SFMBT2: variants seen among roughly 807,000 people sequenced by gnomAD.
SFMBT2 encodes the protein Scm like with four mbt domains 2, also known as scm-like with four MBT domains protein 2.
In SFMBT2, 38 loss-of-function variants were observed where a neutral mutation model predicts 110.1. That is an observed-to-expected ratio of 0.35 (90% confidence interval 0.27 to 0.45). SFMBT2 has a LOEUF of 0.45. SFMBT2 is among the 20% of genes least tolerant of loss of function. The probability of loss-of-function intolerance (pLI) is 1.00; values close to 1 mark genes in which losing one functional copy is unlikely to be tolerated. For synonymous variants in SFMBT2, 425 were observed against 425.4 expected (o/e 1.00, Z 0.01); for missense variants, 1,011 against 1,094.9 (o/e 0.92, Z 1.08).
intron 2 of SFMBT2, among the ~76,000 whole-genome samples, chr10:7,375,156 T>C (rs1406554133): frequency 6.6e-6 from 1 of 152,160 alleles, no homozygotes; most frequent in Admixed American, 6.5e-5. Context: ...AGCGATCCAG[T>C]TTTAGAAAAC....
At chr10:7,400,342 AC>A (rs1846040182) in intron 1 of SFMBT2, among the ~76,000 whole-genome samples, 1 of 152,174 alleles carries the variant, frequency 6.6e-6, no homozygotes, top group Non-Finnish European at 1.5e-5. Context: ...CCCAAGCTTC[AC>A]CGTAAACACT....
At chr10:7,268,500 G>A (rs1421653308) in intron 7 of SFMBT2, among the ~76,000 whole-genome samples, 1 of 151,900 alleles carries the variant, frequency 6.6e-6, no homozygotes, top group Non-Finnish European at 1.5e-5. Flanking sequence ...CTATGTCAAA[G>A]AAAGGTTTTA....
chr10:7,204,992 T>A (rs1017668735), intron 12 of SFMBT2: 71 of 921,226 alleles, frequency 7.7e-5, no homozygotes, highest in Non-Finnish European at 9.1e-5. Flanking sequence ...TTGGTATTTC[T>A]GTAACCAAAG....
At chr10:7,224,183 C>A (rs998641035) in intron 10 of SFMBT2, among the ~76,000 whole-genome samples, 3 of 152,122 alleles carry the variant, frequency 2.0e-5, no homozygotes, top group Non-Finnish European at 4.4e-5. Flanking sequence ...ACGTTATATT[C>A]CTACCAAAAG....
At chr10:7,277,032 G>A (rs375166732) in intron 6 of SFMBT2, 43 bp from the exon 7 acceptor site, 25 of 831,024 alleles carry the variant, frequency 3.0e-5, no homozygotes, top group Middle Eastern at 4.4e-4. Flanking sequence ...GGACTAACAC[G>A]TTCTGCCGGG....
intron 11 of SFMBT2, chr10:7,207,693 C>A (rs1276964493): frequency 1.3e-6 from 1 of 794,796 alleles, no homozygotes; most frequent in Non-Finnish European, 1.5e-6. Flanking sequence ...CAACCAAACA[C>A]AAAATGGTCC....
At chr10:7,206,140 G>T in intron 11 of SFMBT2, 1 of 985,380 alleles carries the variant, frequency 1.0e-6, no homozygotes, top group Non-Finnish European at 1.2e-6. Context: ...ATATAAAAAG[G>T]CAGGAATAAA....
chr10:7,183,831 A>T (rs1297867077), intron 16 of SFMBT2, among the ~76,000 whole-genome samples: 1 of 152,190 alleles, frequency 6.6e-6, no homozygotes, highest in Admixed American at 6.5e-5. Context: ...CTTTGCTCCC[A>T]GCTCCCTTTC....
intron 9 of SFMBT2, among the ~76,000 whole-genome samples, chr10:7,237,568 T>A (rs1478817168): frequency 6.6e-6 from 1 of 152,030 alleles, no homozygotes; most frequent in African/African-American, 2.4e-5. Context: ...TTGCGGAGGA[T>A]GAGGGGTGAA....
At chr10:7,214,817 C>G (rs953959704) in intron 11 of SFMBT2, 2 of 930,210 alleles carry the variant, frequency 2.2e-6, no homozygotes, top group African/African-American at 3.6e-5. Flanking sequence ...CACAAAAACA[C>G]TAACTGCAGA....
At chr10:7,395,452 G>A (rs1027116898) in intron 1 of SFMBT2, among the ~76,000 whole-genome samples, 1 of 152,252 alleles carries the variant, frequency 6.6e-6, no homozygotes, top group African/African-American at 2.4e-5. Context: ...CCCTAGTGGT[G>A]AGTGACTTCT....
chr10:7,209,677 T>C (rs955077215), intron 11 of SFMBT2, among the ~76,000 whole-genome samples: 1 of 152,198 alleles, frequency 6.6e-6, no homozygotes, highest in Admixed American at 6.5e-5. Context: ...AAATAACATA[T>C]ATTCATATGT....
Position 7,299,023 on chromosome 10 carries a change from C to A in SFMBT2, c.437-13069G>T, listed in dbSNP as rs145665050. On this transcript the variant is annotated intron_variant, in intron 4 of 20. Transcript: ENST00000397167. ...TTCAAGAATTCGAAAGCAGCCTGGCCAACATGGCGAAACCCCATCTCTACT... is the reference window on the plus strand; with the variant it reads ...TTCAAGAATTCGAAAGCAGCCTGGCAAACATGGCGAAACCCCATCTCTACT... Among the ~76,000 whole-genome samples, 903 of 152,252 alleles carry A rather than the reference C, an allele frequency of 5.9e-3. 6 individuals are homozygous for A. The highest frequency in any genetic ancestry group is 0.02 in the African/African-American group (825 of 41,542).
At chr10:7,221,691 T>C (rs1232153907) in intron 10 of SFMBT2, among the ~76,000 whole-genome samples, 1 of 152,252 alleles carries the variant, frequency 6.6e-6, no homozygotes, top group Non-Finnish European at 1.5e-5. Flanking sequence ...GCTATTATTT[T>C]CCTTTGTTCT....
At chr10:7,400,150 G>A (rs942162292) in intron 1 of SFMBT2, among the ~76,000 whole-genome samples, 4 of 152,176 alleles carry the variant, frequency 2.6e-5, no homozygotes, top group Non-Finnish European at 5.9e-5. Context: ...CAGTTGACAC[G>A]TGGCCCTGAG....
rs117827158 is a variant in SFMBT2, at chr10:7,296,232, T to A, written c.437-10278A>T. On this transcript the variant is annotated intron_variant, in intron 4 of 20. Coordinates refer to ENST00000397167, the MANE Select transcript of SFMBT2 (RefSeq NM_001387889.1). ...TCACTTTCACAGATGTTACTGCTCC[T>A]GCTTTAAACATTTTCCTGCTTTTAA... Among the ~76,000 whole-genome samples the A allele has an allele frequency of 5.8e-4, 89 of 152,342 alleles. 2 individuals are homozygous for A. In the East Asian group the frequency reaches 0.017, roughly 28 times the overall value.
At chr10:7,333,734 C>T (rs909465901) in intron 4 of SFMBT2, among the ~76,000 whole-genome samples, 1 of 151,540 alleles carries the variant, frequency 6.6e-6, no homozygotes, top group African/African-American at 2.4e-5. Context: ...CTCTCTCTCT[C>T]TCCCCAACAC....
At chr10:7,193,552 T>C (rs1376920372) in intron 15 of SFMBT2, among the ~76,000 whole-genome samples, 2 of 151,610 alleles carry the variant, frequency 1.3e-5, no homozygotes, top group African/African-American at 4.8e-5. Context: ...CCAGGAGCGC[T>C]TGGCTGGTCT....
chr10:7,196,204 T>C (rs1838762155), intron 15 of SFMBT2, among the ~76,000 whole-genome samples: 1 of 152,142 alleles, frequency 6.6e-6, no homozygotes. Context: ...AGAAGGCCTT[T>C]CACAAGCAGG....
Sources: gnomAD v4.1 joint callset for allele counts (sites outside exome capture counted in the v4.1 genomes callset) on GRCh38, gnomAD v4.1.1 for gene constraint, MANE v1.5 for transcripts, NCBI Gene and HGNC (gene_info 2026-07-23, HGNC 2026-07-21) for gene names.